The following CDC14A variants were observed in gnomAD, a reference collection of about 807,000 sequenced individuals.
CDC14A encodes dual specificity protein phosphatase CDC14A.
In CDC14A, 53 loss-of-function variants were observed where a neutral mutation model predicts 74.4. That is an observed-to-expected ratio of 0.71 (90% CI 0.57 to 0.89). The LOEUF is 0.89. CDC14A is among the 40% of genes least tolerant of loss of function. The pLI, the probability that CDC14A is intolerant of heterozygous loss-of-function variation, is 0.00. For synonymous variants in CDC14A, 247 were observed against 258.4 expected (o/e 0.96, Z 0.43); for missense variants, 646 against 713.7 (o/e 0.91, Z 1.08).
intron 2 of CDC14A, among the ~76,000 whole-genome samples, chr1:100,369,389 G>A (rs1233517867): frequency 1.3e-5 from 2 of 152,306 alleles, no homozygotes; most frequent in East Asian, 1.9e-4. Flanking sequence ...TTACAGGCGT[G>A]AGCCACTGCC....
At chr1:100,392,955 C>T in intron 4 of CDC14A, 1 of 932,004 alleles carries the variant, frequency 1.1e-6, no homozygotes. Context: ...TGGGAAGTTG[C>T]TGTTGTCCTT....
chr1:100,514,176 ACTTT>A (rs3082614), intron 15 of CDC14A, among the ~76,000 whole-genome samples: 130,261 of 151,664 alleles, frequency 0.86, 58,159 homozygotes, highest in South Asian at 0.98. Flanking sequence ...AATTATTTTC[ACTTT>A]CTTTATAACC....
chr1:100,484,206 T>G, intron 10 of CDC14A, 86 bp from the exon 11 acceptor site: 1 of 659,506 alleles, frequency 1.5e-6, no homozygotes, highest in Non-Finnish European at 2.3e-6. Flanking sequence ...TTTTCCTTTA[T>G]AAGACATCAT....
intron 11 of CDC14A, among the ~76,000 whole-genome samples, chr1:100,491,013 TGAATTTGTCTTAA>T (rs1670558169): frequency 6.6e-6 from 1 of 152,202 alleles, no homozygotes; most frequent in African/African-American, 2.4e-5. Flanking sequence ...TCCACTTCTA[TGAATTTGTCTTAA>T]GGCAATAATA....
chr1:100,367,618 A>G (rs1436881277), intron 2 of CDC14A, among the ~76,000 whole-genome samples: 2 of 152,240 alleles, frequency 1.3e-5, no homozygotes, highest in Non-Finnish European at 2.9e-5. Context: ...AAGATAAGAT[A>G]GAGCTTGTTG....
chr1:100,475,365 A>T (rs115909753), intron 10 of CDC14A, among the ~76,000 whole-genome samples: 261 of 152,212 alleles, frequency 1.7e-3, no homozygotes, highest in African/African-American at 5.9e-3. Flanking sequence ...ATCTTTGTCA[A>T]ATTATTCTAA....
chr1:100,374,375 C>A (rs1242838676), intron 2 of CDC14A, among the ~76,000 whole-genome samples: 1 of 152,176 alleles, frequency 6.6e-6, no homozygotes, highest in Non-Finnish European at 1.5e-5. Flanking sequence ...CCTGAGAAAT[C>A]ACCACACTGA....
intron 10 of CDC14A, among the ~76,000 whole-genome samples, chr1:100,478,147 C>T (rs1327885233): frequency 5.3e-5 from 8 of 152,026 alleles, no homozygotes; most frequent in Non-Finnish European, 1.5e-5. Context: ...ACCAAAAATA[C>T]CATTCTGAAT....
intron 4 of CDC14A, among the ~76,000 whole-genome samples, chr1:100,395,963 C>A (rs1383916113): frequency 6.6e-6 from 1 of 152,176 alleles, no homozygotes; most frequent in Admixed American, 6.5e-5. Flanking sequence ...TTAATTTCTA[C>A]CCTGTTACCT....
intron 4 of CDC14A, among the ~76,000 whole-genome samples, chr1:100,410,790 G>A (rs1660584355): frequency 6.6e-6 from 1 of 152,074 alleles, no homozygotes. Flanking sequence ...AAATTTGGGG[G>A]ATTTAACCAC....
At chr1:100,374,777 A>G (rs1222435455) in intron 2 of CDC14A, among the ~76,000 whole-genome samples, 1 of 152,216 alleles carries the variant, frequency 6.6e-6, no homozygotes, top group Non-Finnish European at 1.5e-5. Context: ...TAAATGACTA[A>G]TTCAAAGGTC....
intron 11 of CDC14A, among the ~76,000 whole-genome samples, chr1:100,493,130 A>G (rs956337933): frequency 5.9e-5 from 9 of 152,168 alleles, no homozygotes; most frequent in Admixed American, 5.2e-4. Context: ...ATCATTTTAT[A>G]TTTAGAATTT....
chr1:100,388,700 G>A (rs930673565), intron 3 of CDC14A, among the ~76,000 whole-genome samples: 2 of 152,064 alleles, frequency 1.3e-5, no homozygotes, highest in Non-Finnish European at 2.9e-5. Flanking sequence ...TCCATCTCCT[G>A]AGCTTAAGTG....
intron 5 of CDC14A, among the ~76,000 whole-genome samples, chr1:100,433,549 C>G (rs1188278428): frequency 6.6e-6 from 1 of 152,174 alleles, no homozygotes; most frequent in African/African-American, 2.4e-5. Flanking sequence ...AGATCACAGT[C>G]ATTTCCAAAA....
At chr1:100,445,709 G>C (rs74958645) in intron 7 of CDC14A, among the ~76,000 whole-genome samples, 3,005 of 152,152 alleles carry the variant, frequency 0.02, 107 homozygotes, top group African/African-American at 0.069. Flanking sequence ...TTTATTCTTG[G>C]AAACCAACCA....
At chr1:100,424,172 G>C in intron 4 of CDC14A, 50 bp from the exon 5 acceptor site, 1 of 1,386,444 alleles carries the variant, frequency 7.2e-7, no homozygotes, top group East Asian at 2.3e-5. Flanking sequence ...TGAGTAATTA[G>C]TTTTGTGTCA....
Position 100,377,530 on chromosome 1 carries a change from TTTTCTTGTATC to T in CDC14A, c.141-13_141-3del, listed in dbSNP as rs769569926. The stretch of plus-strand genomic sequence containing the variant: ...TTTGACTAAATACTACGTTTTTTGT[TTTTCTTGTATC>T]TTAGTTTCTATGCAGATTTTGGACC... On this transcript the variant is annotated splice_polypyrimidine_tract_variant and splice_region_variant and intron_variant, in intron 2 of 15. Coordinates refer to ENST00000336454, the MANE Select transcript of CDC14A (RefSeq NM_003672.4). 1 of 1,596,252 alleles carries T rather than the reference TTTTCTTGTATC, an allele frequency of 6.3e-7. No homozygotes were observed. Among genetic ancestry groups the T allele is most frequent in the Non-Finnish European group, 8.6e-7 (1 of 1,167,564 alleles).
chr1:100,424,425 A>T, intron 5 of CDC14A, 124 bp downstream of exon 5: 1 of 679,832 alleles, frequency 1.5e-6, no homozygotes, highest in South Asian at 1.7e-5. Context: ...ATGAAATGAG[A>T]TGGTAGTTTT....
rs759283379 is a variant in CDC14A, at chr1:100,468,125, A to G, written c.977+31A>G. 25 of 1,612,100 alleles carry G rather than the reference A, an allele frequency of 1.6e-5. No individual in the cohort carries two copies. The Middle Eastern group carries it at 4.9e-4, about 32-fold the overall frequency. On this transcript the variant is annotated intron_variant, in intron 10 of 15. Transcript: ENST00000336454. ...TATATTGTCCCCATTACCACATTAT[A>G]TCCTGTTCTTGATCCTTTCTACCTC...
Sources: allele counts gnomAD v4.1 joint callset (sites outside exome capture counted in the v4.1 genomes callset), GRCh38; gene constraint gnomAD v4.1.1; transcripts MANE v1.5; gene names NCBI Gene and HGNC (gene_info 2026-07-23, HGNC 2026-07-21).